DEPTOR: variants seen among roughly 807,000 people sequenced by gnomAD.
The protein encoded by DEPTOR is DEP domain containing MTOR interacting protein.
In DEPTOR, 41 loss-of-function variants were observed where a neutral mutation model predicts 41.6. The observed-to-expected ratio is 0.98, with a 90% confidence interval of 0.77 to 1.28. The LOEUF (loss-of-function observed/expected upper bound fraction) is 1.28. Among genes scored for constraint, DEPTOR ranks in the 50% most tolerant of loss-of-function variants. The probability of loss-of-function intolerance (pLI) is 0.00; values close to 1 mark genes in which losing one functional copy is unlikely to be tolerated. For synonymous variants in DEPTOR, 195 were observed against 192.3 expected, an observed-to-expected ratio of 1.01 and a Z score of -0.12; for missense variants, 514 against 527.9, an observed-to-expected ratio of 0.97 and a Z score of 0.26.
In DEPTOR at chr8:119,955,387, C is replaced by T. The variant is rs188234459; in HGVS notation, c.426-9845C>T. ...CAAGCCTATGGAAACTTGCTACTTA[C>T]GTTTTCTTTCAAACATAGGAGTTTT... On this transcript the variant is annotated intron_variant, in intron 3 of 8. Transcript: ENST00000286234. 1.7e-3 allele frequency among the ~76,000 whole-genome samples: 263 copies of T among 151,880 alleles called. 1 individual carries two copies. Among genetic ancestry groups the T allele is most frequent in the African/African-American group, 6.1e-3 (252 of 41,384 alleles).
At chr8:120,033,134 C>T (rs961413283) in intron 8 of DEPTOR, among the ~76,000 whole-genome samples, 9 of 138,368 alleles carry the variant, frequency 6.5e-5, no homozygotes, top group Non-Finnish European at 9.1e-5. Context: ...GTTGCCCAGG[C>T]TGGAGTGCAA....
At chr8:120,024,477 A>G (rs559564539) in intron 8 of DEPTOR, among the ~76,000 whole-genome samples, 1 of 152,294 alleles carries the variant, frequency 6.6e-6, no homozygotes, top group South Asian at 2.1e-4. Flanking sequence ...TAGGGGCCTT[A>G]CAGAGGTAGT....
chr8:120,013,211 T>C (rs1009623263), intron 8 of DEPTOR, among the ~76,000 whole-genome samples: 2 of 151,898 alleles, frequency 1.3e-5, no homozygotes, highest in Non-Finnish European at 2.9e-5. Context: ...CAGTTCATAG[T>C]TGACTGAAAC....
chr8:119,968,922 C>T (rs578029588), intron 4 of DEPTOR, among the ~76,000 whole-genome samples: 6 of 152,018 alleles, frequency 3.9e-5, no homozygotes, highest in South Asian at 2.1e-4. Context: ...TGTGAAACCC[C>T]GTCTCTACTA....
At chr8:119,915,091 T>C (rs7004324) in intron 1 of DEPTOR, among the ~76,000 whole-genome samples, 109,068 of 151,878 alleles carry the variant, frequency 0.72, 39,608 homozygotes, top group East Asian at 0.95. Flanking sequence ...CTCAGCCTCC[T>C]GAATGCCTGG....
At chr8:119,928,672 T>A in intron 2 of DEPTOR, 94 bp downstream of exon 2, 1 of 1,386,508 alleles carries the variant, frequency 7.2e-7, no homozygotes, top group South Asian at 1.5e-5. Flanking sequence ...ACATTTTGCT[T>A]TATTTTATCT....
chr8:119,990,389 C>T (rs1812138076), intron 4 of DEPTOR, among the ~76,000 whole-genome samples: 1 of 152,076 alleles, frequency 6.6e-6, no homozygotes, highest in Admixed American at 6.6e-5. Context: ...AATCTCCTGA[C>T]CTGGTGATCC....
intron 8 of DEPTOR, among the ~76,000 whole-genome samples, chr8:120,047,470 T>G (rs185096987): frequency 6.6e-6 from 1 of 152,006 alleles, no homozygotes; most frequent in Non-Finnish European, 1.5e-5. Flanking sequence ...CGGGTTCAAG[T>G]GATTCTTCTG....
rs929171652 is a variant in DEPTOR at position 119,901,359 on chromosome 8, C to T, written c.123-27041C>T. ...TGCACAAACATATTAATATTTTTAG[C>T]TCTCCCTGATGCTGTTAGAAAGATA... On this transcript the variant is annotated intron_variant, in intron 1 of 8. Coordinates refer to ENST00000286234, the MANE Select transcript of DEPTOR (RefSeq NM_022783.4). 3.9e-5 allele frequency among the ~76,000 whole-genome samples: 6 copies of T among 152,024 alleles called. No individual in the cohort carries two copies. The East Asian group carries it at 1.2e-3, about 29-fold the overall frequency.
rs1813223902 is a variant in DEPTOR, at chr8:120,050,731, T to C, written c.*1027T>C. ...TGTAACTTTTCAGCTCACTTGTATA[T>C]ACGCACGTTTTCATTTTTGGTCTAG... On this transcript the variant is annotated 3_prime_UTR_variant, in exon 9 of 9. Coordinates refer to ENST00000286234, the MANE Select transcript of DEPTOR (RefSeq NM_022783.4). 1 of 152,168 alleles carries C rather than the reference T, an allele frequency of 6.6e-6. No homozygotes were observed. The highest frequency in any genetic ancestry group is 1.5e-5 in the Non-Finnish European group (1 of 68,020). The allele number at this position is 152,168 out of a possible 1,614,324, so 9.4% of individuals were successfully genotyped here.
intron 4 of DEPTOR, among the ~76,000 whole-genome samples, chr8:119,984,766 T>A (rs1405926615): frequency 6.6e-6 from 1 of 152,202 alleles, no homozygotes; most frequent in Non-Finnish European, 1.5e-5. Flanking sequence ...AGATTTACAA[T>A]CCTTTGGATA....
At chr8:120,024,659 G>A (rs2326430) in intron 8 of DEPTOR, among the ~76,000 whole-genome samples, 129,236 of 152,132 alleles carry the variant, frequency 0.85, 55,301 homozygotes, top group African/African-American at 0.96. Flanking sequence ...AGGAGTGCCA[G>A]GGATTGTGGG....
At chr8:119,908,740 A>G (rs7017583) in intron 1 of DEPTOR, among the ~76,000 whole-genome samples, 33,401 of 152,150 alleles carry the variant, frequency 0.22, 4,244 homozygotes, top group African/African-American at 0.34. Flanking sequence ...CTTAAAACAA[A>G]GAAATTGAGG....
At chr8:119,901,402 C>T (rs961329933) in intron 1 of DEPTOR, among the ~76,000 whole-genome samples, 4 of 152,030 alleles carry the variant, frequency 2.6e-5, no homozygotes, top group African/African-American at 7.2e-5. Context: ...TTCAGCCAGG[C>T]GTGGTGGCTC....
At chr8:120,043,939 GT>G (rs923605304) in intron 8 of DEPTOR, among the ~76,000 whole-genome samples, 18 of 151,952 alleles carry the variant, frequency 1.2e-4, no homozygotes, top group African/African-American at 3.6e-4. Context: ...TTGAACCCGG[GT>G]GTAGGAAGTT....
intron 1 of DEPTOR, among the ~76,000 whole-genome samples, chr8:119,893,759 A>G (rs1459413327): frequency 7.2e-6 from 1 of 138,404 alleles, no homozygotes; most frequent in Admixed American, 8.1e-5. Context: ...ACCCAGTGAC[A>G]GAGAAGACTC....
intron 1 of DEPTOR, among the ~76,000 whole-genome samples, chr8:119,894,411 T>TATTTATTTATTTATTTA (rs376711018): frequency 1.7e-4 from 25 of 150,076 alleles, no homozygotes; most frequent in African/African-American, 2.2e-4. Flanking sequence ...TTTATTTATT[T>TATTTATTTATTTATTTA]TTTGAGACAG....
intron 3 of DEPTOR, among the ~76,000 whole-genome samples, chr8:119,939,022 T>C (rs1468476859): frequency 6.6e-6 from 1 of 151,224 alleles, no homozygotes; most frequent in Admixed American, 6.6e-5. Context: ...TTGTCTAGCC[T>C]GACAGGTTAT....
At chr8:119,894,499 G>C (rs10087707) in intron 1 of DEPTOR, among the ~76,000 whole-genome samples, 74,705 of 150,824 alleles carry the variant, frequency 0.5, 20,228 homozygotes, top group East Asian at 0.92. Context: ...TGGGTTCACG[G>C]CATTCTCCTG....
Sources: gnomAD v4.1 joint callset for allele counts (sites outside exome capture counted in the v4.1 genomes callset) on GRCh38, gnomAD v4.1.1 for gene constraint, MANE v1.5 for transcripts, NCBI Gene and HGNC (gene_info 2026-07-23, HGNC 2026-07-21) for gene names.